FAM133A: variants seen among roughly 807,000 people sequenced by gnomAD.
The protein encoded by FAM133A is family with sequence similarity 133 member A.
For synonymous variants in FAM133A, 65 were observed against 58.6 expected (o/e 1.11, Z -0.50); for missense variants, 159 against 164.4 (o/e 0.97, Z 0.18).
At chrX:93,689,391 G>C (rs1038676614) in intron 2 of FAM133A, among the ~76,000 whole-genome samples, 2 of 111,528 alleles carry the variant, frequency 1.8e-5, no homozygotes, top group Non-Finnish European at 3.8e-5. Flanking sequence ...AAAAGTAATA[G>C]TTGATTAAAT....
At chrX:93,705,071 C>T (rs1926954951) in intron 3 of FAM133A, among the ~76,000 whole-genome samples, 1 of 111,138 alleles carries the variant, frequency 9.0e-6, no homozygotes, top group Admixed American at 9.6e-5. Flanking sequence ...TTTCCTTCAT[C>T]TCCCCAGTCA....
At chrX:93,691,044 G>A (rs763244106) in intron 2 of FAM133A, among the ~76,000 whole-genome samples, 2 of 111,792 alleles carry the variant, frequency 1.8e-5, no homozygotes, top group Admixed American at 1.9e-4. Context: ...TTATTGACTT[G>A]TAAGAGTTTT....
Position 93,695,634 on chromosome X carries a change from C to CTTTTTT in FAM133A, c.-192-2743_-192-2738dup, listed in dbSNP as rs759503397. ...GTCTGGGATGAAACACAGGAATCTG[C>CTTTTTT]TTTTTTTTTTTTTTTTTTTTTTTTT... On this transcript the variant is annotated intron_variant, in intron 2 of 3. Coordinates refer to ENST00000683942, the MANE Select transcript of FAM133A (RefSeq NM_001171109.2). Among the ~76,000 whole-genome samples, 12 of 48,373 alleles carry CTTTTTT rather than the reference C, an allele frequency of 2.5e-4. 2 individuals carry two copies. The highest frequency in any genetic ancestry group is 3.2e-4 in the Non-Finnish European group (9 of 27,816). The allele number at this position is 48,373 out of a possible 115,157, so 42.0% of individuals were successfully genotyped here.
In FAM133A at chrX:93,688,148, C is replaced by CT. The variant is rs1339136555; in HGVS notation, c.-192-10236dup. 8.9e-3 allele frequency among the ~76,000 whole-genome samples: 877 copies of CT among 98,572 alleles called. 2 individuals are homozygous for CT. Among genetic ancestry groups the CT allele is most frequent in the African/African-American group, 0.013 (364 of 27,422 alleles). The allele number at this position is 98,572 out of a possible 115,157, so 85.6% of individuals were successfully genotyped here. ...ATCTTTGATATACTGATTTTTCTTT[C>CT]TTTTTTTTTTTTTGGCGGAGGGATA... On this transcript the variant is annotated intron_variant, in intron 2 of 3. Transcript: ENST00000683942.
intron 2 of FAM133A, among the ~76,000 whole-genome samples, chrX:93,689,492 T>C (rs1184689443): frequency 8.9e-6 from 1 of 112,313 alleles, no homozygotes; most frequent in African/African-American, 3.2e-5. Context: ...TGATATAGTA[T>C]TTAGTCATGC....
At chrX:93,681,314 T>TA (rs2147589767) in intron 2 of FAM133A, among the ~76,000 whole-genome samples, 1 of 110,601 alleles carries the variant, frequency 9.0e-6, no homozygotes, top group East Asian at 2.8e-4. Context: ...TCTATCTATC[T>TA]TTGCAATGGC....
At chrX:93,702,784 C>G (rs1926783738) in intron 3 of FAM133A, among the ~76,000 whole-genome samples, 1 of 91,585 alleles carries the variant, frequency 1.1e-5, no homozygotes, top group Non-Finnish European at 2.1e-5. Flanking sequence ...GAGAATGGTA[C>G]TTTGCCTTTG....
At chrX:93,702,863 A>AAC (rs1926806725) in intron 3 of FAM133A, among the ~76,000 whole-genome samples, 1 of 88,812 alleles carries the variant, frequency 1.1e-5, no homozygotes, top group Non-Finnish European at 2.2e-5. Flanking sequence ...AAAAAAAAAA[A>AAC]AAAAAAACAA....
intron 2 of FAM133A, among the ~76,000 whole-genome samples, chrX:93,698,063 G>A (rs16982943): frequency 0.07 from 7,717 of 110,992 alleles, 618 homozygotes; most frequent in African/African-American, 0.23. Flanking sequence ...GGATAGAGTG[G>A]TTTCAATAGG....
intron 3 of FAM133A, among the ~76,000 whole-genome samples, chrX:93,700,070 G>T (rs940548270): frequency 9.1e-6 from 1 of 109,418 alleles, no homozygotes; most frequent in Non-Finnish European, 1.9e-5. Flanking sequence ...ATTAAATCAA[G>T]GTTATGTCTC....
At chrX:93,681,899 A>G (rs1473965695) in intron 2 of FAM133A, among the ~76,000 whole-genome samples, 1 of 112,107 alleles carries the variant, frequency 8.9e-6, no homozygotes. Flanking sequence ...TCTTTGTAAG[A>G]AAGATTAAAT....
In FAM133A at chrX:93,686,040, G is replaced by A. The variant is rs541588490; in HGVS notation, c.-193+11288G>A. On this transcript the variant is annotated intron_variant, in intron 2 of 3. Transcript: ENST00000683942. ...AGAGAATCACTTGAACCTGGGAGGC[G>A]GAGGCTGCAGTGAGCCTAGATGGCG... 1.5e-4 allele frequency among the ~76,000 whole-genome samples: 15 copies of A among 103,205 alleles called. 1 individual carries two copies. In the South Asian group the frequency reaches 6.1e-3, roughly 42 times the overall value. 89.6% of individuals were successfully genotyped at this position (103,205 alleles called of 115,157 possible).
chrX:93,709,736 C>A lies in FAM133A; in HGVS notation c.317C>A (p.Ser106Tyr), dbSNP rs1293865237. Residue 106 changes from serine to tyrosine, a missense_variant, in exon 4 of 4, where the codon TCT (serine) becomes TAT (tyrosine). Transcript: ENST00000683942. ...AAGAAGAAATCTTGTCGGTCTTCAT[C>A]TTCTTCATCAAGCTCTGATTCTTCA... ...KRKKKSCRSS[S>Y]SSSSSDSSSS... The A allele has an allele frequency of 8.4e-7, 1 of 1,196,941 alleles. No individual in the cohort carries two copies. The highest frequency in any genetic ancestry group is 1.8e-5 in the South Asian group (1 of 54,523).
chrX:93,703,935 TA>T (rs1926881285), intron 3 of FAM133A, among the ~76,000 whole-genome samples: 1 of 111,924 alleles, frequency 8.9e-6, no homozygotes, highest in African/African-American at 3.2e-5. Flanking sequence ...ATGACAGAAC[TA>T]TGCTGGAGGG....
upstream of FAM133A, chrX:93,674,139 T>G (rs1924503242): frequency 9.3e-6 from 1 of 107,914 alleles, no homozygotes; most frequent in Non-Finnish European, 1.9e-5. Context: ...AAGGGGAGAG[T>G]CGGTTATTGG....
chrX:93,675,233 G>T (rs1197706601), intron 2 of FAM133A, among the ~76,000 whole-genome samples: 1 of 111,642 alleles, frequency 9.0e-6, no homozygotes, highest in Non-Finnish European at 1.9e-5. Flanking sequence ...CAAATGATAA[G>T]AATTACTAGC....
intron 2 of FAM133A, among the ~76,000 whole-genome samples, chrX:93,685,436 G>A (rs1049489330): frequency 4.5e-5 from 5 of 111,437 alleles, no homozygotes; most frequent in Admixed American, 9.6e-5. Flanking sequence ...TAGGGAGATT[G>A]CACTTTTTCT....
intron 2 of FAM133A, among the ~76,000 whole-genome samples, chrX:93,678,154 G>A (rs750375973): frequency 2.3e-4 from 26 of 111,115 alleles, no homozygotes; most frequent in Admixed American, 2.1e-3. Flanking sequence ...GTGCTGATTT[G>A]CCATCCACAT....
At chrX:93,690,475 A>G (rs1405293984) in intron 2 of FAM133A, among the ~76,000 whole-genome samples, 1 of 111,537 alleles carries the variant, frequency 9.0e-6, no homozygotes, top group African/African-American at 3.3e-5. Context: ...AGAATCATAC[A>G]GTATATTCCT....
Sources: gnomAD v4.1 joint callset for allele counts (sites outside exome capture counted in the v4.1 genomes callset) on GRCh38, gnomAD v4.1.1 for gene constraint, MANE v1.5 for transcripts, NCBI Gene and HGNC (gene_info 2026-07-23, HGNC 2026-07-21) for gene names.